The following IRS1 variants were observed in gnomAD, a reference collection of about 807,000 sequenced individuals.
IRS1 encodes insulin receptor substrate 1.
Under a neutral mutation model 65.6 loss-of-function variants are expected in IRS1, and 34 were observed. The observed-to-expected ratio is 0.52, with a 90% CI of 0.39 to 0.69. The LOEUF is 0.69. Among genes scored for constraint, IRS1 ranks in the 30% least tolerant of loss-of-function variants. The probability of loss-of-function intolerance (pLI) is 0.00; values close to 1 mark genes in which losing one functional copy is unlikely to be tolerated. For synonymous variants in IRS1, 699 were observed against 683.5 expected (o/e 1.02, Z -0.35); for missense variants, 1,641 against 1,720.2 (o/e 0.95, Z 0.81).
intron 1 of IRS1, among the ~76,000 whole-genome samples, chr2:226,745,476 A>G (rs189170873): frequency 7.2e-5 from 11 of 152,356 alleles, no homozygotes; most frequent in African/African-American, 2.4e-4. Context: ...TTATTTCTGA[A>G]TTAAAATTTG....
At chr2:226,765,659 C>T (rs1027406986) in intron 1 of IRS1, among the ~76,000 whole-genome samples, 6 of 152,098 alleles carry the variant, frequency 3.9e-5, no homozygotes, top group South Asian at 4.1e-4. Flanking sequence ...TTTGGAGCAA[C>T]GAGAAAACTC....
At chr2:226,755,513 C>T (rs990724771) in intron 1 of IRS1, among the ~76,000 whole-genome samples, 3 of 152,164 alleles carry the variant, frequency 2.0e-5, no homozygotes, top group African/African-American at 7.2e-5. Flanking sequence ...TATCTGTGTA[C>T]ACAAAAATCT....
Position 226,769,974 on chromosome 2 carries a change from G to A in IRS1, c.*21+25015C>T, listed in dbSNP as rs57497052. Among the ~76,000 whole-genome samples, 298 of 152,018 alleles carry A rather than the reference G, an allele frequency of 2.0e-3. 2 individuals are homozygous for A. The highest frequency in any genetic ancestry group is 6.8e-3 in the African/African-American group (283 of 41,440). Reference sequence around the variant, plus strand: ...GTCTGGTAAGCAGTGGAGGCACTAGGAAATCTACTCCTCTCCCAGAAAGGA... The same window carrying A: ...GTCTGGTAAGCAGTGGAGGCACTAGAAAATCTACTCCTCTCCCAGAAAGGA... On this transcript the variant is annotated intron_variant, in intron 1 of 1. Transcript: ENST00000305123.
At chr2:226,739,783 T>C (rs1938399077) in intron 1 of IRS1, among the ~76,000 whole-genome samples, 1 of 152,130 alleles carries the variant, frequency 6.6e-6, no homozygotes, top group South Asian at 2.1e-4. Flanking sequence ...TGAACTTGAA[T>C]AAAGCAACTC....
chr2:226,767,623 T>C (rs1437835929), intron 1 of IRS1, among the ~76,000 whole-genome samples: 1 of 152,230 alleles, frequency 6.6e-6, no homozygotes, highest in African/African-American at 2.4e-5. Flanking sequence ...GACTGAACTC[T>C]GGTGGCAATA....
chr2:226,785,357 C>T (rs1411600638), intron 1 of IRS1, among the ~76,000 whole-genome samples: 1 of 152,102 alleles, frequency 6.6e-6, no homozygotes, highest in East Asian at 1.9e-4. Flanking sequence ...AATCCCAGTA[C>T]TTTGGGAGGC....
Position 226,745,255 on chromosome 2 carries a change from T to C in IRS1, c.*22-9005A>G, listed in dbSNP as rs555129178. On this transcript the variant is annotated intron_variant, in intron 1 of 1. Coordinates refer to ENST00000305123, the MANE Select transcript of IRS1 (RefSeq NM_005544.3). ...ATGTTAAAGAGAAAGCTATTAACTGTTGCTTACAGTAAAGTAATAATGCAA... is the reference window on the plus strand; with the variant it reads ...ATGTTAAAGAGAAAGCTATTAACTGCTGCTTACAGTAAAGTAATAATGCAA... Among the ~76,000 whole-genome samples the C allele has an allele frequency of 3.9e-5, 6 of 152,338 alleles. No homozygotes were observed. In the East Asian group the frequency reaches 1.2e-3, roughly 29 times the overall value.
In IRS1 at chr2:226,798,258, T is replaced by C. The variant is rs759844899; in HGVS notation, c.481A>G (p.Lys161Glu). The C allele has an allele frequency of 6.2e-7, 1 of 1,613,438 alleles. No homozygotes were observed. Among genetic ancestry groups the C allele is most frequent in the Non-Finnish European group, 8.5e-7 (1 of 1,179,914 alleles). ...TTCAGGATCACTTGCCAGACCTCTT[T>C]GAATGCGGGTCCTGGGGGCACGTCA... is the stretch of plus-strand genomic sequence containing the variant. ...YGDVPPGPAFKEVWQVILKPK... is the reference protein window; with the variant it reads ...YGDVPPGPAFEEVWQVILKPK... The change falls in exon 1 of 2, where the codon AAA (lysine) becomes GAA (glutamate). Residue 161 changes from lysine to glutamate, a missense_variant. By Grantham distance (56) the Lys-to-Glu change is moderately conservative (BLOSUM62 1). Transcript: ENST00000305123. This position sits in a 1 kb window ranked among gnomAD's most constrained non-coding sequence, Gnocchi z 9.4.
chr2:226,783,067 A>G (rs16822638), intron 1 of IRS1, among the ~76,000 whole-genome samples: 16,082 of 152,158 alleles, frequency 0.11, 1,067 homozygotes, highest in South Asian at 0.25. Context: ...CAAATAGTAT[A>G]TTTTCACCAT....
intron 1 of IRS1, among the ~76,000 whole-genome samples, chr2:226,750,784 T>C (rs1021513985): frequency 2.0e-5 from 3 of 152,184 alleles, no homozygotes; most frequent in African/African-American, 7.2e-5. Flanking sequence ...GGATATAGAA[T>C]AAAGTGGCAC....
chr2:226,751,042 C>A (rs921796474), intron 1 of IRS1, among the ~76,000 whole-genome samples: 1 of 152,058 alleles, frequency 6.6e-6, no homozygotes, highest in Non-Finnish European at 1.5e-5. Context: ...AATAAGGAGG[C>A]TACACCACAA....
At chr2:226,750,755 G>C (rs1224994770) in intron 1 of IRS1, among the ~76,000 whole-genome samples, 1 of 152,182 alleles carries the variant, frequency 6.6e-6, no homozygotes, top group African/African-American at 2.4e-5. Context: ...AAAGCACAGA[G>C]AAAATATCCA....
rs535156150 is a variant in IRS1, at chr2:226,736,959, T to C, written c.*22-709A>G. ...TTTTTTTTTACTTTTTTTATTATTA[T>C]ACTTTAAGTTTTAGGGTACACATGC... On this transcript the variant is annotated intron_variant, in intron 1 of 1. Transcript: ENST00000305123. Among the ~76,000 whole-genome samples, 3 of 152,236 alleles carry C rather than the reference T, an allele frequency of 2.0e-5. 1 individual carries two copies. The South Asian group carries it at 6.2e-4, about 32-fold the overall frequency.
At chr2:226,745,632 G>A (rs1455773818) in intron 1 of IRS1, among the ~76,000 whole-genome samples, 2 of 152,202 alleles carry the variant, frequency 1.3e-5, no homozygotes, top group Non-Finnish European at 1.5e-5. Flanking sequence ...TTCTCGTTGA[G>A]ATTAAATGAG....
intron 1 of IRS1, among the ~76,000 whole-genome samples, chr2:226,761,733 C>T (rs1938917061): frequency 6.6e-6 from 1 of 151,768 alleles, no homozygotes; most frequent in Admixed American, 6.6e-5. Flanking sequence ...CCTGAAATTC[C>T]CCAAATCCAA....
chr2:226,748,218 T>C (rs916528958), intron 1 of IRS1, among the ~76,000 whole-genome samples: 1 of 151,226 alleles, frequency 6.6e-6, no homozygotes, highest in Non-Finnish European at 1.5e-5. Flanking sequence ...ACATGAGGCC[T>C]CAGGAGTTCA....
chr2:226,795,439 G>A lies in IRS1; in HGVS notation c.3300C>T (p.Ser1100=), dbSNP rs770370233. Residue 1100 remains serine (S), a synonymous_variant, in exon 1 of 2, where the codon AGC becomes AGT. Transcript: ENST00000305123. ...TGGGTGTTGAGGAGAAAGTCTCGGA[G>A]CTATGCCTCCGCCGGCACCCTTGTG... The part of the protein sequence containing the change: ...ADPQGCRRRH[S]SETFSSTPSA... 3.1e-6 allele frequency: 5 copies of A among 1,613,568 alleles called. No individual in the cohort carries two copies. The highest frequency in any genetic ancestry group is 1.3e-5 in the African/African-American group (1 of 75,072).
intron 1 of IRS1, among the ~76,000 whole-genome samples, chr2:226,775,297 G>C (rs1280933799): frequency 6.6e-6 from 1 of 152,228 alleles, no homozygotes; most frequent in Non-Finnish European, 1.5e-5. Context: ...AGTTGATAAA[G>C]TTGTTTCCCA....
Position 226,797,653 on chromosome 2 carries a change from G to T in IRS1, c.1086C>A (p.Ser362Arg), listed in dbSNP as rs144526841. The T allele has an allele frequency of 1.3e-6, 2 of 1,592,984 alleles. No individual in the cohort carries two copies. Among genetic ancestry groups the T allele is most frequent in the Non-Finnish European group, 8.5e-7 (1 of 1,176,102 alleles). Residue 362 changes from serine (S) to arginine (R), a missense_variant, in exon 1 of 2, where the codon AGC (serine) becomes AGA (arginine). By Grantham distance (110) the Ser-to-Arg change is moderately radical. Coordinates refer to ENST00000305123, the MANE Select transcript of IRS1 (RefSeq NM_005544.3). This position sits in a 1 kb window ranked among gnomAD's most constrained non-coding sequence, Gnocchi z 8.1. ...GGTTGAGCGGGGGGTGCAGCCGGGC[G>T]CTGCCCCGATGCCGGTGGGCGTGGG... ...NRTHAHRHRG[S>R]ARLHPPLNHS...
Sources: gnomAD v4.1 joint callset for allele counts (sites outside exome capture counted in the v4.1 genomes callset) on GRCh38, gnomAD v4.1.1 for gene constraint, Gnocchi (gnomAD v3.1) non-coding constraint, MANE v1.5 for transcripts, NCBI Gene and HGNC (gene_info 2026-07-23, HGNC 2026-07-21) for gene names.